SERPINB8: variants seen among roughly 807,000 people sequenced by gnomAD.
The protein encoded by SERPINB8 is serpin family B member 8, also known as serpin B8.
SERPINB8 carries 25 observed loss-of-function variants against 35.3 expected under a neutral mutation model. The ratio of observed to expected loss-of-function variants is 0.71; its 90% CI spans 0.52 to 0.99. SERPINB8 has a LOEUF of 0.99. SERPINB8 is among the 50% of genes least tolerant of loss of function. The pLI, the probability that SERPINB8 is intolerant of heterozygous loss-of-function variation, is 0.00. For synonymous variants in SERPINB8, 186 were observed against 160.8 expected (o/e 1.16, Z -1.19); for missense variants, 484 against 446.5 (o/e 1.08, Z -0.76).
chr18:63,970,138 C>CA lies in SERPINB8; in HGVS notation c.-43_-42insA, dbSNP rs1252393381. 5 of 365,234 alleles carry CA rather than the reference C, an allele frequency of 1.4e-5. No individual in the cohort carries two copies. Among genetic ancestry groups the CA allele is most frequent in the African/African-American group, 8.9e-5 (4 of 44,766 alleles). 22.6% of individuals were successfully genotyped at this position (365,234 alleles called of 1,614,324 possible). The stretch of plus-strand genomic sequence containing the variant: ...GGAATAGTCAAAGCAGCAGCGGCGG[C>CA]GGCGGCGGCGGCAGCAGCAGCAGCA... On this transcript the variant is annotated 5_prime_UTR_variant, in exon 1 of 7. Coordinates refer to ENST00000397985, the MANE Select transcript of SERPINB8 (RefSeq NM_002640.4).
chr18:64,012,347 T>G (rs1258871437), intron 7 of SERPINB8, among the ~76,000 whole-genome samples: 1 of 152,164 alleles, frequency 6.6e-6, no homozygotes, highest in Non-Finnish European at 1.5e-5. Flanking sequence ...TATTTAATTA[T>G]TTATTTCCTT....
chr18:64,005,201 C>A (rs1163946745), exon 2 of SERPINB8: 1 of 209,042 alleles, frequency 4.8e-6, no homozygotes, highest in Admixed American at 5.9e-5. Context: ...CCACTGACAA[C>A]ATCAAGAGTG....
chr18:64,019,633 T>A (rs2050966976), exon 8 of SERPINB8: 1 of 152,044 alleles, frequency 6.6e-6, no homozygotes, highest in Non-Finnish European at 1.5e-5. Context: ...TTAAGATTTA[T>A]GCCACAGCAA....
chr18:63,977,800 T>A (rs1457103676), intron 1 of SERPINB8, among the ~76,000 whole-genome samples: 1 of 152,216 alleles, frequency 6.6e-6, no homozygotes, highest in Admixed American at 6.5e-5. Context: ...TTACCACAAA[T>A]TTAGTGGCTG....
chr18:64,016,433 T>C (rs2050950525), intron 7 of SERPINB8, among the ~76,000 whole-genome samples: 1 of 152,192 alleles, frequency 6.6e-6, no homozygotes. Context: ...TTCATTTTTG[T>C]TTTTTGTTTG....
At chr18:64,004,729 T>G (rs906653500) in intron 1 of SERPINB8, 5 of 397,788 alleles carry the variant, frequency 1.3e-5, no homozygotes, top group Non-Finnish European at 2.2e-5. Flanking sequence ...TGAACATTTT[T>G]CTCTACAGAA....
chr18:63,979,856 G>T lies in SERPINB8; in HGVS notation c.224G>T (p.Ser75Ile). The T allele has an allele frequency of 6.2e-7, 1 of 1,614,142 alleles. No homozygotes were observed. Among genetic ancestry groups the T allele is most frequent in the Non-Finnish European group, 8.5e-7 (1 of 1,180,000 alleles). The change falls in exon 3 of 7, where the codon AGT (serine) becomes ATT (isoleucine). Residue 75 changes from serine to isoleucine, a missense_variant. Physicochemically the swap from Ser to Ile is moderately radical, Grantham distance 142. Coordinates refer to ENST00000397985, the MANE Select transcript of SERPINB8 (RefSeq NM_002640.4). ...DIHRGFQSLL[S>I]EVNRTGTQYL... is the part of the protein sequence containing the mutation. The stretch of plus-strand genomic sequence containing the variant: ...CACCGAGGTTTCCAGTCACTTCTCA[G>T]TGAAGTTAACAGAACTGGCACTCAG...
At chr18:64,000,947 T>A (rs1287274352) in intron 1 of SERPINB8, among the ~76,000 whole-genome samples, 2 of 152,224 alleles carry the variant, frequency 1.3e-5, no homozygotes, top group East Asian at 3.8e-4. Flanking sequence ...TCTCTCTTAC[T>A]AGCAGAGGAA....
In SERPINB8 at chr18:63,979,797, C is replaced by G; in HGVS notation, c.169-4C>G. On this transcript the variant is annotated splice_polypyrimidine_tract_variant and splice_region_variant and intron_variant, in intron 2 of 6. Coordinates refer to ENST00000397985, the MANE Select transcript of SERPINB8 (RefSeq NM_002640.4). ...TAAAAGTCAGTGTTGGTTTCTGTTC[C>G]CAGGCACTTTGTTTATACAAAGACG... is the stretch of plus-strand genomic sequence containing the variant. The G allele has an allele frequency of 6.2e-7, 1 of 1,613,844 alleles. No individual in the cohort carries two copies. Among genetic ancestry groups the G allele is most frequent in the East Asian group, 2.2e-5 (1 of 44,862 alleles).
Position 63,987,240 on chromosome 18 carries a change from A to C in SERPINB8, c.1087A>C (p.Asn363His), listed in dbSNP as rs781572594. 1.5e-5 allele frequency: 25 copies of C among 1,613,888 alleles called. No homozygotes were observed. The highest frequency in any genetic ancestry group is 2.0e-5 in the Non-Finnish European group (24 of 1,179,938). Reference sequence around the variant, plus strand: ...TTTCTTCATCAGGCACCACAAAACCAACTGCATCTTGTTCTGTGGCAGGTT... The same window carrying C: ...TTTCTTCATCAGGCACCACAAAACCCACTGCATCTTGTTCTGTGGCAGGTT... ...FLFFIRHHKT[N>H]CILFCGRFSS... Residue 363 changes from asparagine (N) to histidine (H), a missense_variant, in exon 7 of 7, where the codon AAC (asparagine) becomes CAC (histidine). Asn to His is a moderately conservative substitution (Grantham distance 68). Transcript: ENST00000397985.
Position 63,987,047 on chromosome 18 carries a change from C to T in SERPINB8, c.894C>T (p.Asp298=), listed in dbSNP as rs754649314. ...ATGCTTTTGACGAAGCCAAGGCAGACTTTTCTGGAATGTCAACTGAGAAGA... is the reference window on the plus strand; with the variant it reads ...ATGCTTTTGACGAAGCCAAGGCAGATTTTTCTGGAATGTCAACTGAGAAGA... ...MIDAFDEAKA[D]FSGMSTEKNV... The change falls in exon 7 of 7, where the codon GAC becomes GAT. Residue 298 remains aspartate, a synonymous_variant. Coordinates refer to ENST00000397985, the MANE Select transcript of SERPINB8 (RefSeq NM_002640.4). The T allele has an allele frequency of 1.2e-6, 2 of 1,614,174 alleles. No homozygotes were observed. The highest frequency in any genetic ancestry group is 4.5e-5 in the East Asian group (2 of 44,882).
chr18:64,012,331 A>C (rs1056222515), intron 7 of SERPINB8, among the ~76,000 whole-genome samples: 7 of 152,172 alleles, frequency 4.6e-5, no homozygotes, highest in Non-Finnish European at 5.9e-5. Flanking sequence ...GAAATATGGT[A>C]CAATTTATTT....
chr18:63,976,223 A>G (rs979462178), intron 1 of SERPINB8, among the ~76,000 whole-genome samples: 2 of 152,178 alleles, frequency 1.3e-5, no homozygotes, highest in Non-Finnish European at 2.9e-5. Flanking sequence ...TATTTTCCCA[A>G]ATGTTCTCAA....
At chr18:64,011,822 T>A (rs550867600) in intron 7 of SERPINB8, among the ~76,000 whole-genome samples, 153 of 152,292 alleles carry the variant, frequency 1.0e-3, no homozygotes, top group African/African-American at 3.4e-3. Flanking sequence ...TTATAGGGAC[T>A]AAGAAAGGCA....
At chr18:63,978,261 TGG>T in intron 1 of SERPINB8, 36 bp from the exon 2 acceptor site, 1 of 1,612,428 alleles carries the variant, frequency 6.2e-7, no homozygotes, top group South Asian at 1.1e-5. Context: ...CCGGAGTCAT[TGG>T]CTTATGTGCT....
rs1350946232 is a variant in SERPINB8, at chr18:63,978,464, C to G, written c.156C>G (p.Ala52=). 2 of 1,614,026 alleles carry G rather than the reference C, an allele frequency of 1.2e-6. No individual in the cohort carries two copies. Among genetic ancestry groups the G allele is most frequent in the Non-Finnish European group, 1.7e-6 (2 of 1,180,034 alleles). The change falls in exon 2 of 7, where the codon GCC becomes GCG. Residue 52 remains alanine (A), a synonymous_variant. Coordinates refer to ENST00000397985, the MANE Select transcript of SERPINB8 (RefSeq NM_002640.4). ...TGGGGGCAAAGGGAAGCACTGCAGC[C>G]CAGATGTCCCAGGTATGTGTGCTTG... ...VFMGAKGSTA[A]QMSQALCLYK... is the part of the protein sequence containing the mutation.
chr18:63,971,667 G>A (rs1315395196), intron 1 of SERPINB8, among the ~76,000 whole-genome samples: 1 of 152,196 alleles, frequency 6.6e-6, no homozygotes, highest in Non-Finnish European at 1.5e-5. Flanking sequence ...GGTGGCCTAC[G>A]CGCCAGCTCC....
At chr18:64,003,481 G>A (rs535033341) in intron 1 of SERPINB8, among the ~76,000 whole-genome samples, 11 of 152,006 alleles carry the variant, frequency 7.2e-5, no homozygotes, top group Non-Finnish European at 1.5e-4. Flanking sequence ...ATCTGTGGGA[G>A]GTCCTAGAAC....
chr18:63,978,458 T>G lies in SERPINB8; in HGVS notation c.150T>G (p.Thr50=). The G allele has an allele frequency of 6.2e-7, 1 of 1,614,208 alleles. No individual in the cohort carries two copies. Residue 50 remains threonine (T), a synonymous_variant, in exon 2 of 7, where the codon ACT becomes ACG. Coordinates refer to ENST00000397985, the MANE Select transcript of SERPINB8 (RefSeq NM_002640.4). The part of the protein sequence containing the change: ...AMVFMGAKGS[T]AAQMSQALCL... ...TCTTCATGGGGGCAAAGGGAAGCACTGCAGCCCAGATGTCCCAGGTATGTG... is the reference window on the plus strand; with the variant it reads ...TCTTCATGGGGGCAAAGGGAAGCACGGCAGCCCAGATGTCCCAGGTATGTG...
Sources: gnomAD v4.1 joint callset for allele counts (sites outside exome capture counted in the v4.1 genomes callset) on GRCh38, gnomAD v4.1.1 for gene constraint, MANE v1.5 for transcripts, NCBI Gene and HGNC (gene_info 2026-07-23, HGNC 2026-07-21) for gene names.